TTC13: variants seen among roughly 807,000 people sequenced by gnomAD.
TTC13 encodes the protein tetratricopeptide repeat domain 13.
Under a neutral mutation model 120.0 loss-of-function variants are expected in TTC13, and 62 were observed. That is an observed-to-expected ratio of 0.52 (90% confidence interval 0.42 to 0.64). The LOEUF (loss-of-function observed/expected upper bound fraction) is 0.64. Ranked by LOEUF, TTC13 falls within the 30% of genes least tolerant of loss-of-function variation. The pLI is 0.00. For synonymous variants in TTC13, 384 were observed against 393.5 expected (o/e 0.98, Z 0.28); for missense variants, 824 against 1,050.2 (o/e 0.78, Z 2.98).
chr1:230,943,838 C>G lies in TTC13; in HGVS notation c.640G>C (p.Asp214His). The G allele has an allele frequency of 6.2e-7, 1 of 1,612,044 alleles. No homozygotes were observed. Among genetic ancestry groups the G allele is most frequent in the Non-Finnish European group, 8.5e-7 (1 of 1,178,604 alleles). Residue 214 changes from aspartate to histidine, a missense_variant, in exon 6 of 23, where the codon GAT (aspartate) becomes CAT (histidine). This residue lies in a region of TTC13 where 430 missense variants were observed against 626.8 expected (regional missense o/e 0.69). Transcript: ENST00000366661. Reference sequence around the variant, plus strand: ...CGCTGCTCAAATACCTCTGGACGATCTGGTTCCAAGGTAATTACTCGGCTC... The same window carrying G: ...CGCTGCTCAAATACCTCTGGACGATGTGGTTCCAAGGTAATTACTCGGCTC... ...ELSRVITLEP[D>H]RPEVFEQRAE...
intron 9 of TTC13, among the ~76,000 whole-genome samples, chr1:230,932,119 G>C (rs1673613933): frequency 6.6e-6 from 1 of 152,146 alleles, no homozygotes; most frequent in Non-Finnish European, 1.5e-5. Context: ...GATTTCCAAA[G>C]GCAGACGCTT....
chr1:230,913,511 C>CAGGCCTGGCTAATTTT (rs1671710420), intron 18 of TTC13, among the ~76,000 whole-genome samples: 1 of 152,022 alleles, frequency 6.6e-6, no homozygotes, highest in South Asian at 2.1e-4. Context: ...TGGTATGCAC[C>CAGGCCTGGCTAATTTT]TGTAGTTATT....
At chr1:230,931,987 A>C in intron 9 of TTC13, 110 bp from the exon 10 acceptor site, 1 of 1,068,164 alleles carries the variant, frequency 9.4e-7, no homozygotes, top group South Asian at 1.6e-5. Flanking sequence ...CCTTGATGGG[A>C]GTGTTCCCTT....
At chr1:230,943,002 T>A (rs886731127) in intron 6 of TTC13, among the ~76,000 whole-genome samples, 3 of 152,214 alleles carry the variant, frequency 2.0e-5, no homozygotes, top group African/African-American at 4.8e-5. Flanking sequence ...GATCTATGTA[T>A]CCATGCACCT....
chr1:230,947,667 G>C (rs77275379), intron 4 of TTC13, among the ~76,000 whole-genome samples: 8,079 of 152,200 alleles, frequency 0.053, 398 homozygotes, highest in African/African-American at 0.13. Flanking sequence ...GGACAAGCTT[G>C]CTTTAGGATA....
Position 230,924,765 on chromosome 1 carries a change from C to A in TTC13, c.1721+76G>T. 4 of 1,557,550 alleles carry A rather than the reference C, an allele frequency of 2.6e-6. No homozygotes were observed. The Admixed American group carries it at 6.7e-5, about 26-fold the overall frequency. On this transcript the variant is annotated intron_variant, in intron 14 of 22. Coordinates refer to ENST00000366661, the MANE Select transcript of TTC13 (RefSeq NM_024525.5). The stretch of plus-strand genomic sequence containing the variant: ...TTAGCAAGCAAAACAGGGTTCATAG[C>A]CTGTTAGCTAAAACAGACTGACGTT...
chr1:230,926,195 G>A (rs1673034289), intron 12 of TTC13, among the ~76,000 whole-genome samples: 1 of 151,982 alleles, frequency 6.6e-6, no homozygotes, highest in African/African-American at 2.4e-5. Flanking sequence ...AGTGGACTTA[G>A]CACATAATGA....
intron 1 of TTC13, among the ~76,000 whole-genome samples, chr1:230,976,200 G>A (rs548770105): frequency 2.6e-5 from 4 of 152,280 alleles, no homozygotes; most frequent in Non-Finnish European, 5.9e-5. Flanking sequence ...GTAAAGCCAA[G>A]TCTGTATGAT....
intron 13 of TTC13, 95 bp from the exon 14 acceptor site, chr1:230,925,068 A>G: frequency 6.8e-7 from 1 of 1,472,838 alleles, no homozygotes; most frequent in Admixed American, 1.7e-5. Context: ...AAGAGTTAAC[A>G]CATAAAGGGT....
In TTC13 at chr1:230,928,220, T is replaced by C. The variant is rs568906224; in HGVS notation, c.1457+717A>G. Among the ~76,000 whole-genome samples, 4 of 152,334 alleles carry C rather than the reference T, an allele frequency of 2.6e-5. No homozygotes were observed. The East Asian group carries it at 7.7e-4, about 29-fold the overall frequency. ...ATTAAATATATAATTAATTTGCAGATAAATGGCCTACTAATGTTACTGAAC... is the reference window on the plus strand; with the variant it reads ...ATTAAATATATAATTAATTTGCAGACAAATGGCCTACTAATGTTACTGAAC... On this transcript the variant is annotated intron_variant, in intron 12 of 22. Coordinates refer to ENST00000366661, the MANE Select transcript of TTC13 (RefSeq NM_024525.5).
At chr1:230,952,174 C>T (rs1025040635) in intron 4 of TTC13, among the ~76,000 whole-genome samples, 4 of 152,094 alleles carry the variant, frequency 2.6e-5, no homozygotes, top group Non-Finnish European at 5.9e-5. Context: ...TTTTCTATTC[C>T]TTATCAGTCA....
chr1:230,931,153 T>C, intron 11 of TTC13, 145 bp downstream of exon 11: 1 of 687,078 alleles, frequency 1.5e-6, no homozygotes, highest in Non-Finnish European at 2.4e-6. Context: ...GTCTCGACAC[T>C]AGCACTGACA....
In TTC13 at chr1:230,916,171, CCACATTAAGAAGCG is replaced by C; in HGVS notation, c.2093+8_2093+21del. 6.4e-7 allele frequency: 1 copy of C among 1,555,350 alleles called. No individual in the cohort carries two copies. Among genetic ancestry groups the C allele is most frequent in the Non-Finnish European group, 8.9e-7 (1 of 1,126,570 alleles). ...TTCCTGCCTCGTCTCTAGTTTACAC[CCACATTAAGAAGCG>C]CACATACTTGTCTCCTGTAATCGTG... On this transcript the variant is annotated splice_region_variant and intron_variant, in intron 18 of 22. Transcript: ENST00000366661.
Position 230,978,625 on chromosome 1 carries a change from G to T in TTC13, c.206C>A (p.Ala69Glu). The stretch of plus-strand genomic sequence containing the variant: ...CTGCGGGCTGCAGCCGCCGCCGCCC[G>T]CCGGGGCCTCCTGCTGCTGCCGGTG... Reference protein sequence around the residue: ...LQHRQQQEAPAGGGGCSPQSG... With the variant: ...LQHRQQQEAPEGGGGCSPQSG... Residue 69 changes from alanine to glutamate, a missense_variant, in exon 1 of 23, where the codon GCG becomes GAG. Ala to Glu is a moderately radical substitution (Grantham distance 107, BLOSUM62 -1). Around this residue, in one of 4 missense-constraint regions of TTC13, gnomAD observed 160 missense variants for 137.2 expected, o/e 1.17. Transcript: ENST00000366661. This position sits in a 1 kb window ranked among gnomAD's most constrained non-coding sequence, Gnocchi z 5.6. The T allele has an allele frequency of 6.8e-7, 1 of 1,465,648 alleles. No homozygotes were observed. 90.8% of individuals were successfully genotyped at this position (1,465,648 alleles called of 1,614,324 possible).
At chr1:230,909,807 A>G (rs1475201825) in intron 20 of TTC13, among the ~76,000 whole-genome samples, 2 of 152,132 alleles carry the variant, frequency 1.3e-5, no homozygotes, top group African/African-American at 4.8e-5. Flanking sequence ...ATTGTGGGGT[A>G]CCTTTGCCTG....
intron 12 of TTC13, among the ~76,000 whole-genome samples, chr1:230,927,439 T>G (rs1277648688): frequency 6.6e-6 from 1 of 152,188 alleles, no homozygotes; most frequent in Non-Finnish European, 1.5e-5. Flanking sequence ...GAAAAAAATC[T>G]CATGAGGCCT....
intron 20 of TTC13, among the ~76,000 whole-genome samples, chr1:230,910,579 G>A (rs1426369868): frequency 6.6e-6 from 1 of 152,222 alleles, no homozygotes; most frequent in South Asian, 2.1e-4. Flanking sequence ...GACAATCAGA[G>A]CTGCACGTCC....
intron 18 of TTC13, 68 bp downstream of exon 18, chr1:230,916,125 T>C: frequency 2.6e-6 from 3 of 1,165,774 alleles, no homozygotes; most frequent in Non-Finnish European, 3.9e-6. Flanking sequence ...AACTCTATAG[T>C]GACAATAAGC....
In TTC13 at chr1:230,976,456, C is replaced by A. The variant is rs12752412; in HGVS notation, c.271+2104G>T. Among the ~76,000 whole-genome samples, 880 of 151,920 alleles carry A rather than the reference C, an allele frequency of 5.8e-3. 4 individuals carry two copies. The highest frequency in any genetic ancestry group is 0.015 in the South Asian group (74 of 4,822). On this transcript the variant is annotated intron_variant, in intron 1 of 22. Coordinates refer to ENST00000366661, the MANE Select transcript of TTC13 (RefSeq NM_024525.5). ...AGTATTTCAGTAGCCCCTACAACAACAGAGTTGGCTTTTGTCGCATACTGC... is the reference window on the plus strand; with the variant it reads ...AGTATTTCAGTAGCCCCTACAACAAAAGAGTTGGCTTTTGTCGCATACTGC...
Sources: gnomAD v4.1 joint callset for allele counts (sites outside exome capture counted in the v4.1 genomes callset) on GRCh38, gnomAD v4.1.1 for gene constraint, gnomAD v4.1.1 regional missense constraint, Gnocchi (gnomAD v3.1) non-coding constraint, MANE v1.5 for transcripts, NCBI Gene and HGNC (gene_info 2026-07-23, HGNC 2026-07-21) for gene names.